Variants in ROBO1 observed in about 807,000 individuals in gnomAD.
ROBO1 encodes the protein roundabout guidance receptor 1.
A neutral mutation model predicts 195.9 loss-of-function variants in ROBO1; 149 were observed. The observed-to-expected ratio is 0.76, with a 90% CI of 0.67 to 0.87. The LOEUF (loss-of-function observed/expected upper bound fraction) is 0.87. Among genes scored for constraint, ROBO1 ranks in the 40% least tolerant of loss-of-function variants. The probability of loss-of-function intolerance (pLI) is 0.00; values close to 1 mark genes in which losing one functional copy is unlikely to be tolerated. For synonymous variants in ROBO1, 816 were observed against 733.2 expected (o/e 1.11, Z -1.82); for missense variants, 1,933 against 2,068.3 (o/e 0.93, Z 1.27).
chr3:78,799,979 A>G (rs2084314469), intron 4 of ROBO1, among the ~76,000 whole-genome samples: 2 of 152,138 alleles, frequency 1.3e-5, no homozygotes, highest in African/African-American at 4.8e-5. Flanking sequence ...AGCTTGGGGC[A>G]ACAATTCAGT....
intron 2 of ROBO1, among the ~76,000 whole-genome samples, chr3:79,243,782 C>T (rs1310484619): frequency 6.6e-6 from 1 of 152,042 alleles, no homozygotes; most frequent in African/African-American, 2.4e-5. Flanking sequence ...CTATAGGTTG[C>T]CTATTCACTC....
chr3:79,260,514 A>T (rs2082919886), intron 2 of ROBO1, among the ~76,000 whole-genome samples: 1 of 152,174 alleles, frequency 6.6e-6, no homozygotes, highest in African/African-American at 2.4e-5. Context: ...AGAAATACAT[A>T]AACTTTGCTT....
chr3:79,342,780 T>C (rs2034960369), intron 2 of ROBO1, among the ~76,000 whole-genome samples: 1 of 152,166 alleles, frequency 6.6e-6, no homozygotes, highest in African/African-American at 2.4e-5. Context: ...TAGGTATATG[T>C]ATAGCTTTCC....
chr3:79,549,529 G>A (rs775933230), intron 2 of ROBO1, among the ~76,000 whole-genome samples: 4 of 152,050 alleles, frequency 2.6e-5, no homozygotes, highest in Non-Finnish European at 4.4e-5. Flanking sequence ...AACATGTACA[G>A]CCTTTTTTTC....
chr3:78,608,020 TACACAC>T (rs56715450), intron 28 of ROBO1, among the ~76,000 whole-genome samples: 1,511 of 149,846 alleles, frequency 0.01, 24 homozygotes, highest in South Asian at 0.049. Context: ...TAATTTCATT[TACACAC>T]ACACACACAC....
intron 3 of ROBO1, among the ~76,000 whole-genome samples, chr3:78,940,759 G>T (rs2040085262): frequency 6.6e-6 from 1 of 152,134 alleles, no homozygotes; most frequent in African/African-American, 2.4e-5. Context: ...GATGCTATTT[G>T]TCCGTTTTTC....
At chr3:79,664,041 T>C (rs1026701109) in intron 1 of ROBO1, among the ~76,000 whole-genome samples, 2 of 152,092 alleles carry the variant, frequency 1.3e-5, no homozygotes, top group African/African-American at 4.8e-5. Flanking sequence ...TACTTTTCTG[T>C]GTCTACAGTA....
chr3:79,022,376 G>A (rs1157991860), intron 3 of ROBO1, among the ~76,000 whole-genome samples: 1 of 152,142 alleles, frequency 6.6e-6, no homozygotes, highest in Non-Finnish European at 1.5e-5. Context: ...ACAGGCTTCA[G>A]GGTGGAATCT....
At chr3:78,925,205 T>C (rs1326317620) in intron 4 of ROBO1, among the ~76,000 whole-genome samples, 2 of 152,204 alleles carry the variant, frequency 1.3e-5, no homozygotes, top group African/African-American at 4.8e-5. Context: ...TCAATGCATA[T>C]TCCCCTTTAA....
intron 3 of ROBO1, among the ~76,000 whole-genome samples, chr3:79,034,195 A>AT (rs1376792849): frequency 6.6e-6 from 1 of 152,126 alleles, no homozygotes; most frequent in Admixed American, 6.6e-5. Flanking sequence ...ATGTAAACAT[A>AT]TTTTTTTACT....
intron 2 of ROBO1, among the ~76,000 whole-genome samples, chr3:79,228,638 G>A (rs1266754133): frequency 6.6e-6 from 1 of 152,112 alleles, no homozygotes; most frequent in Non-Finnish European, 1.5e-5. Flanking sequence ...GGAGGGGGCT[G>A]AGGTTTATGT....
chr3:78,800,172 T>C (rs1421880041), intron 4 of ROBO1, among the ~76,000 whole-genome samples: 1 of 152,194 alleles, frequency 6.6e-6, no homozygotes, highest in Non-Finnish European at 1.5e-5. Context: ...ATATTTTGCT[T>C]CTTTTTCTAT....
At chr3:78,886,161 T>G (rs1404627006) in intron 4 of ROBO1, among the ~76,000 whole-genome samples, 2 of 151,806 alleles carry the variant, frequency 1.3e-5, no homozygotes, top group African/African-American at 4.8e-5. Flanking sequence ...TAATCAAAAT[T>G]ATAGTATTTT....
chr3:79,379,530 C>T (rs180752757), intron 2 of ROBO1, among the ~76,000 whole-genome samples: 1 of 152,310 alleles, frequency 6.6e-6, no homozygotes, highest in East Asian at 1.9e-4. Flanking sequence ...CCTAAAGATA[C>T]TTCAATTGGA....
chr3:79,231,289 A>G (rs2082317137), intron 2 of ROBO1, among the ~76,000 whole-genome samples: 1 of 152,162 alleles, frequency 6.6e-6, no homozygotes, highest in South Asian at 2.1e-4. Context: ...TAACCTACAA[A>G]ATAGGAAAAT....
chr3:79,196,459 T>C (rs1217975269), intron 2 of ROBO1, among the ~76,000 whole-genome samples: 2 of 151,192 alleles, frequency 1.3e-5, no homozygotes, highest in African/African-American at 2.4e-5. Context: ...AGCGAGTGAT[T>C]GAGAATAAAA....
rs113278669 is a variant in ROBO1 at position 79,522,586 on chromosome 3, CT to C, written c.88+67237del. 1.9e-3 allele frequency among the ~76,000 whole-genome samples: 296 copies of C among 152,180 alleles called. 2 individuals carry two copies. Among genetic ancestry groups the C allele is most frequent in the African/African-American group, 6.8e-3 (281 of 41,524 alleles). ...CAAGGAGAGGAACCTCATTTCATTACTTTTGTATCCTTGATACCTACTGGGG... is the reference window on the plus strand; with the variant it reads ...CAAGGAGAGGAACCTCATTTCATTACTTTGTATCCTTGATACCTACTGGGG... On this transcript the variant is annotated intron_variant, in intron 2 of 30. Coordinates refer to ENST00000464233, the MANE Select transcript of ROBO1 (RefSeq NM_002941.4).
rs376099456 is a variant in ROBO1, at chr3:78,646,228, A to C, written c.2840-38T>G. 3.8e-6 allele frequency: 6 copies of C among 1,559,242 alleles called. No individual in the cohort carries two copies. In the African/African-American group the frequency reaches 8.2e-5, roughly 21 times the overall value. ...GAAAAAAAAAAGGAACAATTAATAG[A>C]CATATTTATATATCAAAAGCTATTA... On this transcript the variant is annotated intron_variant, in intron 20 of 30. Coordinates refer to ENST00000464233, the MANE Select transcript of ROBO1 (RefSeq NM_002941.4).
Position 78,659,826 on chromosome 3 carries a change from A to G in ROBO1, c.2321-19T>C, listed in dbSNP as rs891167851. 2 of 1,591,786 alleles carry G rather than the reference A, an allele frequency of 1.3e-6. No homozygotes were observed. The highest frequency in any genetic ancestry group is 1.7e-6 in the Non-Finnish European group (2 of 1,168,984). On this transcript the variant is annotated intron_variant, in intron 16 of 30. Coordinates refer to ENST00000464233, the MANE Select transcript of ROBO1 (RefSeq NM_002941.4). ...CTGGGTGCTATTAAATTGTTTTAAA[A>G]GGTAGGTTATTAGAATGTGCTAGAG...
Sources: allele counts gnomAD v4.1 joint callset (sites outside exome capture counted in the v4.1 genomes callset), GRCh38; gene constraint gnomAD v4.1.1; transcripts MANE v1.5; gene names NCBI Gene and HGNC (gene_info 2026-07-23, HGNC 2026-07-21).